The following DYNLL1 variants were observed in gnomAD, a reference collection of about 807,000 sequenced individuals.
DYNLL1 encodes dynein light chain 1, cytoplasmic.
In DYNLL1, 3 loss-of-function variants were observed where a neutral mutation model predicts 10.1. The observed-to-expected ratio is 0.30, with a 90% CI of 0.14 to 0.77. DYNLL1 has a LOEUF of 0.77. DYNLL1 is among the 30% of genes least tolerant of loss of function. The pLI is 0.66. For missense variants in DYNLL1, 47 were observed against 111.7 expected, an observed-to-expected ratio of 0.42 and a Z score of 2.61; for synonymous variants, 46 against 41.2, an observed-to-expected ratio of 1.12 and a Z score of -0.45.
chr12:120,482,693 TAGTC>T (rs1156841211), intron 1 of DYNLL1, among the ~76,000 whole-genome samples: 2 of 149,668 alleles, frequency 1.3e-5, no homozygotes, highest in Admixed American at 6.7e-5. Context: ...AAAAAAAAAA[TAGTC>T]AGAGGACTCA....
chr12:120,487,458 G>A (rs1414400865), intron 1 of DYNLL1, among the ~76,000 whole-genome samples: 2 of 151,174 alleles, frequency 1.3e-5, no homozygotes, highest in Middle Eastern at 3.2e-3. Flanking sequence ...CACCACACCC[G>A]GCTAATTTTG....
chr12:120,486,320 T>G (rs1878993097), intron 1 of DYNLL1, among the ~76,000 whole-genome samples: 1 of 152,086 alleles, frequency 6.6e-6, no homozygotes, highest in South Asian at 2.1e-4. Context: ...AAGAAACAGA[T>G]TATTATGTAC....
chr12:120,476,907 C>T (rs1039591274), intron 1 of DYNLL1, among the ~76,000 whole-genome samples: 15 of 150,254 alleles, frequency 1.0e-4, no homozygotes, highest in Admixed American at 1.3e-4. Context: ...CCACCGCGCC[C>T]GGACTTTGTT....
At chr12:120,480,220 A>G (rs1351310973) in intron 1 of DYNLL1, among the ~76,000 whole-genome samples, 1 of 152,228 alleles carries the variant, frequency 6.6e-6, no homozygotes, top group Non-Finnish European at 1.5e-5. Flanking sequence ...AGGGGACCTC[A>G]ATCTGCATCC....
exon 1 of DYNLL1, chr12:120,469,891 C>T (rs1360701559): frequency 8.7e-6 from 2 of 228,656 alleles, no homozygotes; most frequent in African/African-American, 4.6e-5. Context: ...TGGATGCCAT[C>T]CCCGAGCGCG....
chr12:120,477,936 C>T (rs1344856326), intron 1 of DYNLL1, among the ~76,000 whole-genome samples: 1 of 151,780 alleles, frequency 6.6e-6, no homozygotes, highest in Non-Finnish European at 1.5e-5. Flanking sequence ...TACAGGCATA[C>T]GCCACCATGC....
chr12:120,479,468 A>AAATAATAAT (rs758249930), intron 1 of DYNLL1, among the ~76,000 whole-genome samples: 7 of 109,578 alleles, frequency 6.4e-5, no homozygotes, highest in African/African-American at 2.4e-4. Context: ...AAAAAAAAAA[A>AAATAATAAT]AATAATAATA....
At chr12:120,488,027 T>C (rs1295541668) in intron 1 of DYNLL1, 1 of 152,262 alleles carries the variant, frequency 6.6e-6, no homozygotes, top group Non-Finnish European at 1.5e-5. Flanking sequence ...CTGTGCCTAT[T>C]GCTGCCTCTG....
intron 1 of DYNLL1, among the ~76,000 whole-genome samples, chr12:120,490,109 C>T (rs1879090982): frequency 6.6e-6 from 1 of 152,180 alleles, no homozygotes; most frequent in African/African-American, 2.4e-5. Flanking sequence ...TTGTTTTTAT[C>T]TTTATTCTCC....
At chr12:120,472,250 T>G (rs1390328005) in intron 1 of DYNLL1, among the ~76,000 whole-genome samples, 2 of 152,194 alleles carry the variant, frequency 1.3e-5, no homozygotes, top group African/African-American at 4.8e-5. Context: ...GATTTCTATG[T>G]TTTTATTTAT....
At chr12:120,489,774 G>A (rs1469373980) in intron 1 of DYNLL1, among the ~76,000 whole-genome samples, 1 of 152,120 alleles carries the variant, frequency 6.6e-6, no homozygotes, top group African/African-American at 2.4e-5. Context: ...TTGAGGTGGA[G>A]TCTCTCTCTG....
At chr12:120,497,934 T>C (rs1025429655) in intron 2 of DYNLL1, 139 bp from the exon 3 acceptor site, 16 of 828,654 alleles carry the variant, frequency 1.9e-5, no homozygotes, top group African/African-American at 3.5e-5. Flanking sequence ...GGCTTGGAGC[T>C]GGGGAACATT....
At chr12:120,483,249 A>T (rs1187970921) in intron 1 of DYNLL1, among the ~76,000 whole-genome samples, 1 of 151,622 alleles carries the variant, frequency 6.6e-6, no homozygotes, top group Non-Finnish European at 1.5e-5. Context: ...GAGGCAGGAG[A>T]ATTGCTTGAA....
upstream of DYNLL1, chr12:120,491,718 G>C (rs1251938477): frequency 6.6e-6 from 1 of 152,238 alleles, no homozygotes; most frequent in African/African-American, 2.4e-5. Context: ...CAACTCTGAA[G>C]GGCTTTCTGA....
Position 120,480,787 on chromosome 12 carries a change from A to C in DYNLL1, c.-7+10683A>C, listed in dbSNP as rs572354728. On this transcript the variant is annotated intron_variant, in intron 1 of 2. Transcript: ENST00000392509. ...TTCTTTTTTTTTTTTTTTGAGACGG[A>C]GTCTCGCTCTGTTGCCCAGGCTGGA... 7.0e-5 allele frequency among the ~76,000 whole-genome samples: 10 copies of C among 143,500 alleles called. No individual in the cohort carries two copies. The South Asian group carries it at 2.2e-3, about 31-fold the overall frequency. The allele number at this position is 143,500 out of a possible 152,430, so 94.1% of individuals were successfully genotyped here.
intron 1 of DYNLL1, among the ~76,000 whole-genome samples, chr12:120,482,014 T>A (rs1048961430): frequency 1.3e-5 from 2 of 152,128 alleles, no homozygotes; most frequent in Admixed American, 1.3e-4. Context: ...ACGCTTGGCC[T>A]TCTCTTGTTA....
intron 1 of DYNLL1, among the ~76,000 whole-genome samples, chr12:120,472,268 T>G (rs1878667601): frequency 6.6e-6 from 1 of 152,244 alleles, no homozygotes; most frequent in Non-Finnish European, 1.5e-5. Context: ...TATGCTTTTC[T>G]GTATTTCTCA....
chr12:120,486,467 A>T (rs1275823567), intron 1 of DYNLL1, among the ~76,000 whole-genome samples: 1 of 151,540 alleles, frequency 6.6e-6, no homozygotes, highest in Non-Finnish European at 1.5e-5. Context: ...TTGCAAACAG[A>T]TGTTTCTGTT....
At chr12:120,490,800 A>C (rs1181466500) in intron 1 of DYNLL1, 1 of 152,218 alleles carries the variant, frequency 6.6e-6, no homozygotes, top group Admixed American at 6.5e-5. Context: ...ACAACAACAA[A>C]AAAAACTTTC....
Sources: allele counts gnomAD v4.1 joint callset (sites outside exome capture counted in the v4.1 genomes callset), GRCh38; gene constraint gnomAD v4.1.1; transcripts MANE v1.5; gene names NCBI Gene and HGNC (gene_info 2026-07-23, HGNC 2026-07-21).